Variants in DIAPH2 observed in about 807,000 individuals in gnomAD.
DIAPH2 encodes protein diaphanous homolog 2.
In DIAPH2, 35 loss-of-function variants were observed where a neutral mutation model predicts 92.7. That is an observed-to-expected ratio of 0.38 (90% CI 0.29 to 0.50). The LOEUF (loss-of-function observed/expected upper bound fraction) is 0.50. DIAPH2 is among the 20% of genes least tolerant of loss of function. The pLI, the probability that DIAPH2 is intolerant of heterozygous loss-of-function variation, is 0.94. For missense variants in DIAPH2, 701 were observed against 819.5 expected (o/e 0.86, Z 1.77); for synonymous variants, 301 against 280.4 (o/e 1.07, Z -0.73).
intron 17 of DIAPH2, among the ~76,000 whole-genome samples, chrX:97,071,627 C>T (rs1004568617): frequency 3.6e-5 from 4 of 111,457 alleles, no homozygotes; most frequent in Non-Finnish European, 5.7e-5. Flanking sequence ...GTAGCATGCT[C>T]ATTTAATTTT....
intron 4 of DIAPH2, among the ~76,000 whole-genome samples, chrX:96,831,587 G>T (rs1431217388): frequency 8.9e-6 from 1 of 112,020 alleles, no homozygotes; most frequent in Non-Finnish European, 1.9e-5. Context: ...CACTATTGAG[G>T]ACATGGTAGA....
chrX:97,491,768 CAT>C (rs2070727235), intron 26 of DIAPH2, among the ~76,000 whole-genome samples: 1 of 112,060 alleles, frequency 8.9e-6, no homozygotes, highest in Admixed American at 9.4e-5. Flanking sequence ...TTTTCTGTTT[CAT>C]AGTCTTTTTG....
Position 97,351,500 on chromosome X carries a change from G to A in DIAPH2, c.3009+3220G>A, listed in dbSNP as rs907848398. ...GAACTGCCTAACTCTGCCTGTGTTG[G>A]CCAGAGAGGCCTTCATAGAAAAAGT... On this transcript the variant is annotated intron_variant, in intron 24 of 26. Coordinates refer to ENST00000324765, the MANE Select transcript of DIAPH2 (RefSeq NM_006729.5). 3.6e-5 allele frequency among the ~76,000 whole-genome samples: 4 copies of A among 112,145 alleles called. No individual in the cohort carries two copies. The Admixed American group carries it at 3.8e-4, about 11-fold the overall frequency.
intron 26 of DIAPH2, among the ~76,000 whole-genome samples, chrX:97,437,190 T>G (rs1022022713): frequency 8.9e-6 from 1 of 111,993 alleles, no homozygotes; most frequent in Admixed American, 9.6e-5. Context: ...TTTACTTCTT[T>G]CTCCCTGAAG....
chrX:96,842,808 A>G (rs2147703511), intron 4 of DIAPH2, among the ~76,000 whole-genome samples: 1 of 111,524 alleles, frequency 9.0e-6, no homozygotes, highest in Admixed American at 9.6e-5. Context: ...TAGTGGGGGT[A>G]GGAGGTAACA....
chrX:97,097,563 T>G (rs1403428534), intron 19 of DIAPH2, among the ~76,000 whole-genome samples: 3 of 112,332 alleles, frequency 2.7e-5, no homozygotes, highest in African/African-American at 9.7e-5. Context: ...AAGTTTCACA[T>G]TCCAAGCTAA....
At chrX:96,693,722 G>A (rs1156420254) in intron 1 of DIAPH2, among the ~76,000 whole-genome samples, 2 of 112,382 alleles carry the variant, frequency 1.8e-5, no homozygotes, top group African/African-American at 6.5e-5. Context: ...ATGGATTTTA[G>A]TCTCATACCT....
intron 4 of DIAPH2, among the ~76,000 whole-genome samples, chrX:96,828,379 A>G (rs1489693587): frequency 8.9e-6 from 1 of 111,891 alleles, no homozygotes; most frequent in Admixed American, 9.5e-5. Flanking sequence ...ATGAGAGCAA[A>G]CAGACTGGCT....
At chrX:97,212,935 A>G (rs1288355293) in intron 22 of DIAPH2, among the ~76,000 whole-genome samples, 1 of 111,442 alleles carries the variant, frequency 9.0e-6, no homozygotes, top group African/African-American at 3.3e-5. Flanking sequence ...AAATAGTTGA[A>G]GTTTTGGATA....
chrX:97,113,581 G>A (rs2066997637), intron 20 of DIAPH2, among the ~76,000 whole-genome samples: 1 of 112,284 alleles, frequency 8.9e-6, no homozygotes, highest in African/African-American at 3.2e-5. Flanking sequence ...AGAGGCAGAT[G>A]TTCATGGTTA....
chrX:97,318,775 A>G (rs1251813925), intron 23 of DIAPH2, among the ~76,000 whole-genome samples: 1 of 110,123 alleles, frequency 9.1e-6, no homozygotes, highest in Non-Finnish European at 1.9e-5. Context: ...ATGAGCCACC[A>G]CGCCCGGCCG....
At chrX:97,212,318 ATCTT>A (rs755636062) in intron 22 of DIAPH2, among the ~76,000 whole-genome samples, 103 of 111,674 alleles carry the variant, frequency 9.2e-4, no homozygotes, top group African/African-American at 3.2e-3. Flanking sequence ...TATTTTATCA[ATCTT>A]TATTTCAGAG....
intron 23 of DIAPH2, among the ~76,000 whole-genome samples, chrX:97,299,729 A>C (rs193068247): frequency 2.0e-4 from 22 of 112,509 alleles, no homozygotes; most frequent in African/African-American, 6.8e-4. Context: ...GTATTTCAAT[A>C]AAAAAATGAA....
chrX:97,011,361 G>C (rs189369050), intron 17 of DIAPH2, among the ~76,000 whole-genome samples: 4 of 111,657 alleles, frequency 3.6e-5, no homozygotes, highest in Non-Finnish European at 7.5e-5. Flanking sequence ...TCTGCCATAC[G>C]TTATGTTCTG....
Position 97,451,794 on chromosome X carries a change from C to T in DIAPH2, c.3241+22049C>T, listed in dbSNP as rs773887381. Among the ~76,000 whole-genome samples, 20 of 111,550 alleles carry T rather than the reference C, an allele frequency of 1.8e-4. 1 individual carries two copies. Among genetic ancestry groups the T allele is most frequent in the African/African-American group, 6.5e-4 (20 of 30,819 alleles). On this transcript the variant is annotated intron_variant, in intron 26 of 26. Coordinates refer to ENST00000324765, the MANE Select transcript of DIAPH2 (RefSeq NM_006729.5). ...ATTTTAAAGTGTGCCTTTCCCCATACTCCATGTTCCAAATAATTATAAGAA... is the reference window on the plus strand; with the variant it reads ...ATTTTAAAGTGTGCCTTTCCCCATATTCCATGTTCCAAATAATTATAAGAA...
At chrX:97,203,245 A>G (rs1183904909) in intron 22 of DIAPH2, among the ~76,000 whole-genome samples, 1 of 111,696 alleles carries the variant, frequency 9.0e-6, no homozygotes, top group Admixed American at 9.5e-5. Context: ...AAACCCTAAC[A>G]TCACAATTAA....
intron 17 of DIAPH2, among the ~76,000 whole-genome samples, chrX:97,024,086 G>A (rs944731209): frequency 4.5e-5 from 5 of 111,802 alleles, no homozygotes; most frequent in African/African-American, 1.6e-4. Flanking sequence ...CAGTGAGATG[G>A]ATACTAGGGG....
intron 23 of DIAPH2, among the ~76,000 whole-genome samples, chrX:97,344,316 G>C (rs1057166164): frequency 2.2e-4 from 25 of 112,141 alleles, no homozygotes; most frequent in African/African-American, 7.8e-4. Context: ...AGGCTAAGAC[G>C]GGAGGATGGC....
intron 22 of DIAPH2, among the ~76,000 whole-genome samples, chrX:97,160,017 T>C (rs964117521): frequency 2.2e-5 from 2 of 91,553 alleles, no homozygotes; most frequent in Non-Finnish European, 4.1e-5. Flanking sequence ...AGCAAGGAAA[T>C]GGGAGGAATT....
Sources: gnomAD v4.1 joint callset for allele counts (sites outside exome capture counted in the v4.1 genomes callset) on GRCh38, gnomAD v4.1.1 for gene constraint, MANE v1.5 for transcripts, NCBI Gene and HGNC (gene_info 2026-07-23, HGNC 2026-07-21) for gene names.